Variants in TNN observed in about 807,000 individuals in gnomAD.
TNN encodes tenascin-N.
In TNN, 122 loss-of-function variants were observed where a neutral mutation model predicts 134.4. That is an observed-to-expected ratio of 0.91 (90% CI 0.78 to 1.06). TNN has a LOEUF of 1.06. Among genes scored for constraint, TNN ranks in the 50% least tolerant of loss-of-function variants. TNN has a pLI of 0.00. For missense variants in TNN, 1,739 were observed against 1,699.4 expected (o/e 1.02, Z -0.41); for synonymous variants, 710 against 670.3 (o/e 1.06, Z -0.91).
chr1:175,100,172 G>C (rs558830232), intron 9 of TNN, among the ~76,000 whole-genome samples: 13 of 152,312 alleles, frequency 8.5e-5, no homozygotes, highest in African/African-American at 3.1e-4. Flanking sequence ...CAAGCTTTGG[G>C]CTTTCTCACC....
At position 175,117,191 on chromosome 1, in the gene TNN, C is replaced by G. The variant is rs1354427547; in HGVS notation, c.2372C>G (p.Thr791Ser). The G allele has an allele frequency of 6.2e-7, 1 of 1,614,230 alleles. No individual in the cohort carries two copies. Among genetic ancestry groups the G allele is most frequent in the African/African-American group, 1.3e-5 (1 of 75,068 alleles). ...GCCCAGGAGAGCAAGAAGGCTGACA[C>G]CAAGGCCCAGACAGGTAAGGAGCAT... ...KGAQESKKAD[T>S]KAQTDIDSPQ... Residue 791 changes from threonine (T) to serine (S), a missense_variant, in exon 10 of 19, where the codon ACC (threonine) becomes AGC (serine). Physicochemically the swap from Thr to Ser is moderately conservative, Grantham distance 58. Coordinates refer to ENST00000239462, the MANE Select transcript of TNN (RefSeq NM_022093.2).
intron 9 of TNN, among the ~76,000 whole-genome samples, chr1:175,105,361 G>C (rs1193195407): frequency 2.1e-5 from 3 of 145,438 alleles, no homozygotes; most frequent in Non-Finnish European, 3.0e-5. Context: ...GATAGCCCGG[G>C]GGTTTTTGTG....
chr1:175,068,374 A>G (rs565379016), intron 1 of TNN, among the ~76,000 whole-genome samples: 3 of 152,224 alleles, frequency 2.0e-5, no homozygotes, highest in African/African-American at 7.2e-5. Flanking sequence ...TTTAAATCCT[A>G]AAACAGAATT....
intron 9 of TNN, among the ~76,000 whole-genome samples, chr1:175,102,868 C>A (rs901231482): frequency 6.8e-6 from 1 of 146,060 alleles, no homozygotes; most frequent in African/African-American, 2.5e-5. Flanking sequence ...ACCTCTCAAT[C>A]CCCCCTCTAA....
intron 11 of TNN, among the ~76,000 whole-genome samples, chr1:175,122,756 A>C (rs1254799233): frequency 6.6e-6 from 1 of 152,230 alleles, no homozygotes; most frequent in East Asian, 1.9e-4. Context: ...ACAATCTGTC[A>C]GTTTAAGGTT....
At chr1:175,078,432 G>A (rs557014527) in intron 2 of TNN, among the ~76,000 whole-genome samples, 1 of 151,902 alleles carries the variant, frequency 6.6e-6, no homozygotes, top group Non-Finnish European at 1.5e-5. Context: ...AATAATGAAG[G>A]TTCTCCCCCA....
intron 15 of TNN, among the ~76,000 whole-genome samples, chr1:175,134,111 A>T (rs1675739713): frequency 6.6e-6 from 1 of 152,194 alleles, no homozygotes; most frequent in African/African-American, 2.4e-5. Context: ...ATTGCCTGAG[A>T]CACACTCTAC....
chr1:175,127,700 C>T (rs1675567185), intron 13 of TNN, among the ~76,000 whole-genome samples: 1 of 152,202 alleles, frequency 6.6e-6, no homozygotes, highest in Non-Finnish European at 1.5e-5. Context: ...CAGCCTGTTC[C>T]TGCTGGCAAT....
At chr1:175,143,518 G>GGTGTGTGTGTGTGTGT (rs149081442) in intron 17 of TNN, among the ~76,000 whole-genome samples, 53 of 148,742 alleles carry the variant, frequency 3.6e-4, no homozygotes, top group Admixed American at 1.5e-3. Context: ...TTTGTGTGTA[G>GGTGTGTGTGTGTGTGT]GTGTGTGTGT....
At chr1:175,125,712 TC>T (rs1270222282) in intron 12 of TNN, among the ~76,000 whole-genome samples, 26 of 27,624 alleles carry the variant, frequency 9.4e-4, no homozygotes, top group African/African-American at 6.2e-3. Context: ...TCTCTTTCTT[TC>T]TTTCTTTCTT....
At chr1:175,109,673 T>TA (rs886073125) in intron 9 of TNN, among the ~76,000 whole-genome samples, 7 of 147,682 alleles carry the variant, frequency 4.7e-5, no homozygotes, top group African/African-American at 1.7e-4. Flanking sequence ...TATATATATA[T>TA]TATATATATA....
intron 11 of TNN, among the ~76,000 whole-genome samples, chr1:175,121,662 C>A (rs1440404329): frequency 4.0e-5 from 6 of 151,782 alleles, no homozygotes; most frequent in Non-Finnish European, 8.8e-5. Flanking sequence ...GCAAAAGGGA[C>A]AGAGAAGAGG....
At chr1:175,143,636 C>A (rs1675990304) in intron 17 of TNN, among the ~76,000 whole-genome samples, 2 of 151,920 alleles carry the variant, frequency 1.3e-5, no homozygotes, top group Non-Finnish European at 2.9e-5. Flanking sequence ...CAGATGAGGG[C>A]AGAGAGAAAT....
chr1:175,141,490 GA>G (rs779980331), intron 17 of TNN, among the ~76,000 whole-genome samples: 28 of 148,150 alleles, frequency 1.9e-4, no homozygotes, highest in East Asian at 5.9e-4. Flanking sequence ...ACCTGAAAAA[GA>G]AAAAAAAAAT....
In TNN at chr1:175,079,553, C is replaced by T. The variant is rs371061807; in HGVS notation, c.630C>T (p.Gly210=). The change falls in exon 3 of 19, where the codon GGC becomes GGT. Residue 210 remains glycine, a synonymous_variant. Coordinates refer to ENST00000239462, the MANE Select transcript of TNN (RefSeq NM_022093.2). ...PACPENCSGH[G]ECVRGVCQCH... is the part of the protein sequence containing the mutation. ...GCCCTGAGAACTGCAGCGGACACGG[C>T]GAGTGCGTGCGCGGCGTGTGCCAGT... 3.2e-6 allele frequency: 5 copies of T among 1,572,646 alleles called. No individual in the cohort carries two copies. Among genetic ancestry groups the T allele is most frequent in the South Asian group, 2.3e-5 (2 of 86,426 alleles).
Position 175,080,185 on chromosome 1 carries a change from G to C in TNN, c.807G>C (p.Gln269His). The C allele has an allele frequency of 6.2e-7, 1 of 1,613,996 alleles. No individual in the cohort carries two copies. ...CAQVVTPQGL[Q>H]LLKNTEDSLL... is the part of the protein sequence containing the mutation. Reference sequence around the variant, plus strand: ...CAGTGGTCACCCCACAGGGCCTGCAGCTGCTCAAGAACACGGAGGATTCTC... The same window carrying C: ...CAGTGGTCACCCCACAGGGCCTGCACCTGCTCAAGAACACGGAGGATTCTC... Residue 269 changes from glutamine (Q) to histidine (H), a missense_variant, in exon 4 of 19, where the codon CAG (glutamine) becomes CAC (histidine). Transcript: ENST00000239462.
chr1:175,077,915 G>A (rs1674089804), intron 2 of TNN, 88 bp downstream of exon 2: 2 of 1,326,248 alleles, frequency 1.5e-6, no homozygotes, highest in Non-Finnish European at 2.1e-6. Flanking sequence ...TGAGCACTTT[G>A]TGACTCTGGT....
In TNN at chr1:175,118,733, G is replaced by T; in HGVS notation, c.2559G>T (p.Thr853=). Residue 853 remains threonine, a synonymous_variant, in exon 11 of 19, where the codon ACG becomes ACT. Transcript: ENST00000239462. Reference sequence around the variant, plus strand: ...AGGAGCAGAGCAGCACTGTCCTGACGGGCCTGAGGCCGGGCATGGAGTACA... The same window carrying T: ...AGGAGCAGAGCAGCACTGTCCTGACTGGCCTGAGGCCGGGCATGGAGTACA... ...VGKEQSSTVL[T]GLRPGMEYTV... The T allele has an allele frequency of 6.2e-7, 1 of 1,614,218 alleles. No homozygotes were observed. Among genetic ancestry groups the T allele is most frequent in the Non-Finnish European group, 8.5e-7 (1 of 1,180,036 alleles).
At chr1:175,100,878 A>G (rs11805690) in intron 9 of TNN, among the ~76,000 whole-genome samples, 5,617 of 152,306 alleles carry the variant, frequency 0.037, 155 homozygotes, top group Middle Eastern at 0.099. Flanking sequence ...TTTTAAAAAA[A>G]TTGATACATA....
Sources: allele counts gnomAD v4.1 joint callset (sites outside exome capture counted in the v4.1 genomes callset), GRCh38; gene constraint gnomAD v4.1.1; transcripts MANE v1.5; gene names NCBI Gene and HGNC (gene_info 2026-07-23, HGNC 2026-07-21).